Variants in TANC2 observed in about 807,000 individuals in gnomAD.
TANC2 encodes protein TANC2.
TANC2 carries 26 observed loss-of-function variants against 210.5 expected under a neutral mutation model. The ratio of observed to expected loss-of-function variants is 0.12; its 90% CI spans 0.09 to 0.17. The LOEUF (loss-of-function observed/expected upper bound fraction) is 0.17. TANC2 is among the 10% of genes least tolerant of loss of function. The pLI is 1.00. For missense variants in TANC2, 2,129 were observed against 2,608.9 expected (o/e 0.82, Z 4.01); for synonymous variants, 931 against 967.1 (o/e 0.96, Z 0.69).
chr17:63,195,015 ATATT>A (rs2041298271), intron 6 of TANC2, among the ~76,000 whole-genome samples: 4 of 152,164 alleles, frequency 2.6e-5, no homozygotes, highest in Admixed American at 2.6e-4. Flanking sequence ...TTATTAATAA[ATATT>A]AGTGAAGAGT....
At chr17:63,022,777 A>C (rs1373167746) in intron 2 of TANC2, among the ~76,000 whole-genome samples, 2 of 152,092 alleles carry the variant, frequency 1.3e-5, no homozygotes, top group Non-Finnish European at 2.9e-5. Context: ...TACTCCTTGC[A>C]TGCCAGTGTG....
rs189019399 is a variant in TANC2 at position 63,018,701 on chromosome 17, C to T, written c.67+9075C>T. Among the ~76,000 whole-genome samples, 732 of 152,178 alleles carry T rather than the reference C, an allele frequency of 4.8e-3. 3 individuals carry two copies. Among genetic ancestry groups the T allele is most frequent in the Non-Finnish European group, 6.7e-3 (455 of 67,992 alleles). ...CTTGGTTTGCCTTTTAATAACAGTA[C>T]CCCCTTCCCTCTCACACCTGCTCCC... On this transcript the variant is annotated intron_variant, in intron 2 of 27. Coordinates refer to ENST00000689528, the Ensembl canonical transcript of TANC2.
At chr17:63,071,603 C>CT (rs1272135806) in intron 2 of TANC2, among the ~76,000 whole-genome samples, 2 of 152,058 alleles carry the variant, frequency 1.3e-5, no homozygotes, top group African/African-American at 4.8e-5. Context: ...GAGAAGCTCT[C>CT]TTTTAGTAGA....
At chr17:63,331,377 T>G (rs1025305118) in intron 11 of TANC2, among the ~76,000 whole-genome samples, 2 of 152,244 alleles carry the variant, frequency 1.3e-5, no homozygotes, top group African/African-American at 4.8e-5. Context: ...AGGCTTTTAG[T>G]GTACTTTACC....
chr17:63,398,608 A>T (rs2048244641), intron 18 of TANC2, among the ~76,000 whole-genome samples: 1 of 152,232 alleles, frequency 6.6e-6, no homozygotes, highest in Admixed American at 6.5e-5. Flanking sequence ...AGTGAATTGC[A>T]TTCTAGAGAA....
At chr17:63,015,693 G>A (rs1174725167) in intron 2 of TANC2, among the ~76,000 whole-genome samples, 2 of 151,776 alleles carry the variant, frequency 1.3e-5, no homozygotes, top group Non-Finnish European at 2.9e-5. Context: ...GATTTATGAT[G>A]TGAAAATTAT....
At chr17:63,382,473 T>C (rs1430554587) in intron 15 of TANC2, among the ~76,000 whole-genome samples, 1 of 152,232 alleles carries the variant, frequency 6.6e-6, no homozygotes, top group African/African-American at 2.4e-5. Context: ...CCTCTTTTTT[T>C]CTTGTTTTAG....
rs57550590 is a variant in TANC2 at position 63,046,325 on chromosome 17, C to CTTTTTTTTTTTTTTTTTTTTTTTTTTT, written c.68-27594_68-27593insTTTTTTTTTTTTTTTTTTTTTTTTTTT. Among the ~76,000 whole-genome samples the CTTTTTTTTTTTTTTTTTTTTTTTTTTT allele has an allele frequency of 2.7e-4, 12 of 44,142 alleles. 3 individuals carry two copies. Among genetic ancestry groups the CTTTTTTTTTTTTTTTTTTTTTTTTTTT allele is most frequent in the Admixed American group, 7.8e-4 (2 of 2,578 alleles). The allele number at this position is 44,142 out of a possible 152,430, so 29.0% of individuals were successfully genotyped here. A position where few individuals can be genotyped will look rare whatever the true frequency, so the allele number is the denominator to read the frequency against. On this transcript the variant is annotated intron_variant, in intron 2 of 27. Coordinates refer to ENST00000689528, the Ensembl canonical transcript of TANC2. ...CAGGTGCGTGCCACCACACCCAGCT[C>CTTTTTTTTTTTTTTTTTTTTTTTTTTT]TTTTTTTTTTTTTTTTTTTTTTTTG...
chr17:63,133,010 G>C (rs1052340213), intron 4 of TANC2, among the ~76,000 whole-genome samples: 5 of 152,150 alleles, frequency 3.3e-5, no homozygotes, highest in Non-Finnish European at 7.3e-5. Flanking sequence ...TGCTTGTTCT[G>C]TCTCTCAGGC....
chr17:63,303,401 T>G (rs1005050454), intron 9 of TANC2, among the ~76,000 whole-genome samples: 11 of 152,212 alleles, frequency 7.2e-5, no homozygotes, highest in Non-Finnish European at 1.2e-4. Flanking sequence ...TGAAAATTCT[T>G]TAAGAATGTT....
chr17:63,155,357 CATT>C (rs1362103555), intron 5 of TANC2: 1 of 152,070 alleles, frequency 6.6e-6, no homozygotes, highest in Non-Finnish European at 1.5e-5. Flanking sequence ...TCATCATCAT[CATT>C]ATACTTTTCT....
At chr17:63,289,383 C>T (rs1383336617) in intron 9 of TANC2, among the ~76,000 whole-genome samples, 5 of 151,920 alleles carry the variant, frequency 3.3e-5, no homozygotes, top group African/African-American at 9.6e-5. Flanking sequence ...TCGTTCTCTT[C>T]GTTTTTCAGT....
chr17:63,330,412 A>G (rs956924283), intron 11 of TANC2, among the ~76,000 whole-genome samples: 5 of 152,136 alleles, frequency 3.3e-5, no homozygotes, highest in African/African-American at 7.2e-5. Flanking sequence ...TTTACTTTAC[A>G]TCTTTATTAC....
intron 1 of TANC2, chr17:63,005,141 A>G (rs2033559269): frequency 6.6e-6 from 1 of 151,968 alleles, no homozygotes; most frequent in Non-Finnish European, 1.5e-5. Flanking sequence ...TAATAGCATG[A>G]TATATAGGTC....
intron 2 of TANC2, among the ~76,000 whole-genome samples, chr17:63,041,023 A>G (rs538659036): frequency 1.3e-5 from 2 of 152,312 alleles, no homozygotes; most frequent in African/African-American, 4.8e-5. Context: ...TAACAACTGT[A>G]TGGCTGGCTG....
At chr17:63,307,772 T>TGTTGTTGTTGTTGTTGTTGTTGTTGTTG (rs5821385) in intron 9 of TANC2, among the ~76,000 whole-genome samples, 1 of 151,030 alleles carries the variant, frequency 6.6e-6, no homozygotes, top group African/African-American at 2.5e-5. Flanking sequence ...TTGTTGTTGT[T>TGTTGTTGTTGTTGTTGTTGTTGTTGTTG]TTGTTGTTTT....
intron 9 of TANC2, among the ~76,000 whole-genome samples, chr17:63,311,828 A>G (rs2045135994): frequency 6.6e-6 from 1 of 152,240 alleles, no homozygotes. Context: ...AAGTAAAAGA[A>G]GTCAGAAGTA....
chr17:63,135,599 A>G (rs2039063436), intron 4 of TANC2, among the ~76,000 whole-genome samples: 1 of 152,206 alleles, frequency 6.6e-6, no homozygotes, highest in Non-Finnish European at 1.5e-5. Context: ...AAATTTTAAC[A>G]GAGATAGGAT....
chr17:63,103,495 G>A (rs940770643), intron 4 of TANC2, among the ~76,000 whole-genome samples: 38 of 152,088 alleles, frequency 2.5e-4, no homozygotes, highest in African/African-American at 9.2e-4. Flanking sequence ...TTTGTGGTCC[G>A]ACTGTTTGGG....
Sources: allele counts gnomAD v4.1 joint callset (sites outside exome capture counted in the v4.1 genomes callset), GRCh38; gene constraint gnomAD v4.1.1; transcripts MANE v1.5; gene names NCBI Gene and HGNC (gene_info 2026-07-23, HGNC 2026-07-21).